NFIA: variants seen among roughly 807,000 people sequenced by gnomAD.
NFIA encodes the protein nuclear factor 1 A-type.
NFIA carries 8 observed loss-of-function variants against 62.8 expected under a neutral mutation model. The observed-to-expected ratio is 0.13, with a 90% CI of 0.07 to 0.23. The LOEUF (loss-of-function observed/expected upper bound fraction) is 0.23, where lower values mean the gene tolerates loss of function less well. Ranked by LOEUF, NFIA falls within the 10% of genes least tolerant of loss-of-function variation. NFIA has a pLI of 1.00. For synonymous variants in NFIA, 235 were observed against 238.1 expected (o/e 0.99, Z 0.12); for missense variants, 410 against 642.1 (o/e 0.64, Z 3.91).
intron 6 of NFIA, among the ~76,000 whole-genome samples, chr1:61,368,699 G>A (rs72913871): frequency 0.023 from 3,542 of 152,226 alleles, 159 homozygotes; most frequent in African/African-American, 0.081. Flanking sequence ...TATACGCAAA[G>A]TATATTTAAT....
intron 3 of NFIA, 92 bp from the exon 4 acceptor site, chr1:61,332,420 G>C: frequency 8.4e-7 from 1 of 1,189,362 alleles, no homozygotes; most frequent in East Asian, 2.4e-5. Flanking sequence ...GGCACCACAT[G>C]TGTTAATCAT....
intron 2 of NFIA, among the ~76,000 whole-genome samples, chr1:61,094,291 A>G (rs951322702): frequency 6.7e-6 from 1 of 149,894 alleles, no homozygotes; most frequent in Non-Finnish European, 1.5e-5. Flanking sequence ...TGCTTTGTTA[A>G]AGAGAAACAT....
intron 4 of NFIA, among the ~76,000 whole-genome samples, chr1:61,337,883 AC>A (rs1174282567): frequency 6.6e-6 from 1 of 152,210 alleles, no homozygotes; most frequent in Non-Finnish European, 1.5e-5. Flanking sequence ...CCTGGTAGGA[AC>A]CCAGAAAGTT....
At chr1:61,300,846 C>T (rs955239518) in intron 3 of NFIA, among the ~76,000 whole-genome samples, 1 of 151,660 alleles carries the variant, frequency 6.6e-6, no homozygotes, top group African/African-American at 2.4e-5. Flanking sequence ...TATAAGAATA[C>T]ATACAGTAAG....
At chr1:61,160,084 T>TG (rs988741400) in intron 2 of NFIA, among the ~76,000 whole-genome samples, 43 of 152,340 alleles carry the variant, frequency 2.8e-4, no homozygotes, top group Admixed American at 9.1e-4. Context: ...CAGTGTGGGC[T>TG]GTTCTTTAAT....
At chr1:61,364,273 C>T (rs1431801514) in intron 6 of NFIA, among the ~76,000 whole-genome samples, 1 of 152,116 alleles carries the variant, frequency 6.6e-6, no homozygotes, top group Non-Finnish European at 1.5e-5. Flanking sequence ...TGTCTGTTTT[C>T]TCTCTCTAGA....
intron 2 of NFIA, among the ~76,000 whole-genome samples, chr1:61,155,528 C>G (rs917995971): frequency 5.1e-4 from 77 of 151,636 alleles, no homozygotes; most frequent in African/African-American, 1.7e-3. Context: ...AAAAAATTAG[C>G]CGGGCGCGGT....
intron 2 of NFIA, among the ~76,000 whole-genome samples, chr1:61,189,383 T>C (rs902285619): frequency 3.3e-5 from 5 of 152,080 alleles, no homozygotes; most frequent in African/African-American, 1.2e-4. Context: ...TTAAAAGTCA[T>C]TGGCTGGGTG....
At chr1:61,264,142 C>T (rs887331540) in intron 2 of NFIA, among the ~76,000 whole-genome samples, 1 of 152,162 alleles carries the variant, frequency 6.6e-6, no homozygotes, top group African/African-American at 2.4e-5. Flanking sequence ...AAGCTTCCTC[C>T]TCCTAAGAAA....
chr1:61,445,591 CA>C (rs1667773010), intron 10 of NFIA, among the ~76,000 whole-genome samples: 1 of 152,184 alleles, frequency 6.6e-6, no homozygotes, highest in Admixed American at 6.5e-5. Context: ...ACCACATCCT[CA>C]GAAGGAGGAG....
At chr1:61,194,210 T>G (rs1165996269) in intron 2 of NFIA, among the ~76,000 whole-genome samples, 1 of 152,174 alleles carries the variant, frequency 6.6e-6, no homozygotes, top group East Asian at 1.9e-4. Flanking sequence ...ATAAAAACAC[T>G]GACCCCAGAA....
intron 3 of NFIA, among the ~76,000 whole-genome samples, chr1:61,319,967 A>C (rs998514525): frequency 6.6e-6 from 1 of 152,086 alleles, no homozygotes; most frequent in African/African-American, 2.4e-5. Context: ...ACACATGCTC[A>C]CTTCCAGCTG....
Position 61,082,704 on chromosome 1 carries a change from C to G in NFIA, c.-88C>G, listed in dbSNP as rs1646133767. 1 of 1,546,954 alleles carries G rather than the reference C, an allele frequency of 6.5e-7. No individual in the cohort carries two copies. Among genetic ancestry groups the G allele is most frequent in the African/African-American group, 1.4e-5 (1 of 72,640 alleles). ...TCTCTCTCTCTCTCTCTCTTCCTCT[C>G]TCCCTCTTTCTCCTCTCTCACCCAC... On this transcript the variant is annotated 5_prime_UTR_variant, in exon 1 of 11. Transcript: ENST00000403491.
At chr1:61,261,023 G>A (rs1443310201) in intron 2 of NFIA, among the ~76,000 whole-genome samples, 3 of 152,162 alleles carry the variant, frequency 2.0e-5, no homozygotes, top group Non-Finnish European at 4.4e-5. Flanking sequence ...GAAGTCATTT[G>A]TTTCTTAGGA....
chr1:61,347,093 G>T (rs1662268250), intron 4 of NFIA, among the ~76,000 whole-genome samples: 1 of 149,796 alleles, frequency 6.7e-6, no homozygotes, highest in Non-Finnish European at 1.5e-5. Context: ...AACCATATCA[G>T]TTGCCTTGTG....
intron 4 of NFIA, among the ~76,000 whole-genome samples, chr1:61,349,936 C>A (rs1026305756): frequency 6.6e-6 from 1 of 152,080 alleles, no homozygotes; most frequent in Non-Finnish European, 1.5e-5. Context: ...GAATAACTTA[C>A]ATCAGGCTCC....
At chr1:61,110,568 G>A (rs1646678743) in intron 2 of NFIA, among the ~76,000 whole-genome samples, 1 of 151,952 alleles carries the variant, frequency 6.6e-6, no homozygotes. Context: ...ATTTTTTAAA[G>A]CATCCTACAA....
intron 9 of NFIA, among the ~76,000 whole-genome samples, chr1:61,410,631 C>T (rs1263018671): frequency 6.6e-6 from 1 of 152,044 alleles, no homozygotes; most frequent in Non-Finnish European, 1.5e-5. Flanking sequence ...GACTGGGCTT[C>T]GTGGCTCACA....
chr1:61,166,710 A>G (rs905177289), intron 2 of NFIA, among the ~76,000 whole-genome samples: 2 of 152,224 alleles, frequency 1.3e-5, no homozygotes, highest in African/African-American at 4.8e-5. Flanking sequence ...ATTTTAACTC[A>G]TGAAAGAAAC....
Sources: gnomAD v4.1 joint callset for allele counts (sites outside exome capture counted in the v4.1 genomes callset) on GRCh38, gnomAD v4.1.1 for gene constraint, MANE v1.5 for transcripts, NCBI Gene and HGNC (gene_info 2026-07-23, HGNC 2026-07-21) for gene names.